The following GPR173 variants were observed in gnomAD, a reference collection of about 807,000 sequenced individuals.
GPR173 encodes G protein-coupled receptor 173, also known as probable G protein-coupled receptor 173.
GPR173 carries 2 observed loss-of-function variants against 13.9 expected under a neutral mutation model. That is an observed-to-expected ratio of 0.14 (90% CI 0.06 to 0.45). The LOEUF (loss-of-function observed/expected upper bound fraction) is 0.45. Ranked by LOEUF, GPR173 falls within the 20% of genes least tolerant of loss-of-function variation. GPR173 has a pLI of 0.98. For synonymous variants in GPR173, 131 were observed against 141.0 expected (o/e 0.93, Z 0.50); for missense variants, 202 against 340.5 (o/e 0.59, Z 3.20).
chrX:53,073,858 T>G (rs868912163), intron 1 of GPR173, among the ~76,000 whole-genome samples: 1 of 35,100 alleles, frequency 2.8e-5, no homozygotes, highest in Non-Finnish European at 5.3e-5. Flanking sequence ...ATATATAAAT[T>G]TATATATTTT....
At position 53,076,491 on chromosome X, in the gene GPR173, T is replaced by C. The variant is rs782021860; in HGVS notation, c.-97-34T>C. On this transcript the variant is annotated intron_variant, in intron 1 of 1. Transcript: ENST00000332582. ...TTGCCCTCATCTCTCTGTCTCTCTG[T>C]GTCTGTGTCTCCCCCGCTCATTCCC... 19 of 456,690 alleles carry C rather than the reference T, an allele frequency of 4.2e-5. No homozygotes were observed. In the South Asian group the frequency reaches 6.6e-4, roughly 16 times the overall value. The allele number at this position is 456,690 out of a possible 1,213,427, so 37.6% of individuals were successfully genotyped here. A position where few individuals can be genotyped will look rare whatever the true frequency, so the allele number is the denominator to read the frequency against.
chrX:53,073,777 T>A (rs1330916598), intron 1 of GPR173, among the ~76,000 whole-genome samples: 1 of 81,906 alleles, frequency 1.2e-5, no homozygotes, highest in Non-Finnish European at 2.2e-5. Context: ...ATATATAAAA[T>A]TATATATATA....
chrX:53,059,787 G>A (rs1162529723), intron 1 of GPR173, among the ~76,000 whole-genome samples: 4 of 79,864 alleles, frequency 5.0e-5, no homozygotes, highest in Non-Finnish European at 9.0e-5. Context: ...GTGAGACCAT[G>A]TCTCAAAAAA....
At chrX:53,050,901 A>C (rs1931948421) in intron 1 of GPR173, among the ~76,000 whole-genome samples, 1 of 111,388 alleles carries the variant, frequency 9.0e-6, no homozygotes, top group Non-Finnish European at 1.9e-5. Context: ...CTTTCCCTGC[A>C]CTTGTCCCTG....
chrX:53,063,001 G>A (rs931004429), intron 1 of GPR173, among the ~76,000 whole-genome samples: 11 of 110,504 alleles, frequency 1.0e-4, no homozygotes, highest in Non-Finnish European at 1.7e-4. Flanking sequence ...TCCAGCCTTC[G>A]CAGGCTGGAG....
chrX:53,076,291 C>G (rs1180235082), intron 1 of GPR173, among the ~76,000 whole-genome samples: 1 of 110,160 alleles, frequency 9.1e-6, no homozygotes, highest in Non-Finnish European at 1.9e-5. Context: ...CTTTCTCTCT[C>G]CTCGCTCTTT....
intron 1 of GPR173, among the ~76,000 whole-genome samples, chrX:53,068,876 T>C (rs782101613): frequency 9.5e-6 from 1 of 105,514 alleles, no homozygotes; most frequent in East Asian, 2.9e-4. Context: ...TTGTTCGAGC[T>C]CAGGAGTTTG....
At chrX:53,073,221 T>TAAAAA (rs75150142) in intron 1 of GPR173, among the ~76,000 whole-genome samples, 2 of 70,466 alleles carry the variant, frequency 2.8e-5, no homozygotes, top group Non-Finnish European at 5.6e-5. Flanking sequence ...GGAGACTGTC[T>TAAAAA]AAAAAAAAAA....
At chrX:53,074,377 AATATATAAATAT>A (rs1932375522) in intron 1 of GPR173, among the ~76,000 whole-genome samples, 2 of 331 alleles carry the variant, frequency 6.0e-3, no homozygotes, top group Non-Finnish European at 9.4e-3. Flanking sequence ...TTTATAAATA[AATATATAAATAT>A]ATATAAATAT....
At chrX:53,059,185 C>A (rs1932084862) in intron 1 of GPR173, among the ~76,000 whole-genome samples, 1 of 107,473 alleles carries the variant, frequency 9.3e-6, no homozygotes, top group Admixed American at 1.0e-4. Context: ...GGAGGCAGAG[C>A]TTGCAGTGAG....
At position 53,077,685 on chromosome X, in the gene GPR173, C is replaced by T; in HGVS notation, c.1064C>T (p.Ala355Val). 1 of 1,208,177 alleles carries T rather than the reference C, an allele frequency of 8.3e-7. No individual in the cohort carries two copies. ...KDLKKCLRTHAPCWGTGGAPA... is the reference protein window; with the variant it reads ...KDLKKCLRTHVPCWGTGGAPA... The stretch of plus-strand genomic sequence containing the variant: ...CTCAAGAAGTGCCTGAGGACTCACG[C>T]CCCCTGCTGGGGCACAGGAGGTGCC... Residue 355 changes from alanine (A) to valine (V), a missense_variant, in exon 2 of 2, where the codon GCC becomes GTC. By Grantham distance (64) the Ala-to-Val change is moderately conservative (BLOSUM62 0). Around this residue, in one of 3 missense-constraint regions of GPR173, gnomAD observed 76 missense variants for 116.3 expected, o/e 0.65. Coordinates refer to ENST00000332582, the MANE Select transcript of GPR173 (RefSeq NM_018969.6).
In GPR173 at chrX:53,079,654, T is replaced by C. The variant is rs1184955924; in HGVS notation, c.*1911T>C. The C allele has an allele frequency of 3.3e-5, 4 of 121,167 alleles. No individual in the cohort carries two copies. The highest frequency in any genetic ancestry group is 1.3e-4 in the African/African-American group (4 of 30,110). 10.0% of individuals were successfully genotyped at this position (121,167 alleles called of 1,213,427 possible). A position where few individuals can be genotyped will look rare whatever the true frequency, so the allele number is the denominator to read the frequency against. Reference sequence around the variant, plus strand: ...TCTGACCACATGTGGAGAGACATGATTGAGTGATAGTGTGTGTCTGTGTGA... The same window carrying C: ...TCTGACCACATGTGGAGAGACATGACTGAGTGATAGTGTGTGTCTGTGTGA... On this transcript the variant is annotated 3_prime_UTR_variant, in exon 2 of 2. Coordinates refer to ENST00000332582, the MANE Select transcript of GPR173 (RefSeq NM_018969.6).
chrX:53,067,810 C>A (rs1469295614), intron 1 of GPR173, among the ~76,000 whole-genome samples: 1 of 68,839 alleles, frequency 1.5e-5, no homozygotes, highest in African/African-American at 6.6e-5. Context: ...GGCGACAGAG[C>A]GAGACTCCAT....
chrX:53,074,736 T>A (rs1384039398), intron 1 of GPR173, among the ~76,000 whole-genome samples: 8 of 93,558 alleles, frequency 8.6e-5, no homozygotes, highest in South Asian at 9.0e-4. Context: ...TGTATTTATA[T>A]ATAAATATAA....
At chrX:53,067,913 C>T (rs1932207910) in intron 1 of GPR173, among the ~76,000 whole-genome samples, 1 of 110,203 alleles carries the variant, frequency 9.1e-6, no homozygotes, top group East Asian at 2.8e-4. Flanking sequence ...CATTTATTGA[C>T]AAATATTTTT....
intron 1 of GPR173, among the ~76,000 whole-genome samples, chrX:53,074,005 A>ATATATATATATATAAATATAAAT (rs1932333267): frequency 5.3e-5 from 1 of 18,713 alleles, no homozygotes; most frequent in Admixed American, 8.7e-4. Context: ...ATAAATATAT[A>ATATATATATATATAAATATAAAT]TTATACATAA....
At position 53,076,565 on chromosome X, in the gene GPR173, C is replaced by T; in HGVS notation, c.-57C>T. 2 of 1,015,348 alleles carry T rather than the reference C, an allele frequency of 2.0e-6. No individual in the cohort carries two copies. Among genetic ancestry groups the T allele is most frequent in the Non-Finnish European group, 2.7e-6 (2 of 747,364 alleles). The allele number at this position is 1,015,348 out of a possible 1,213,427, so 83.7% of individuals were successfully genotyped here. On this transcript the variant is annotated 5_prime_UTR_variant, in exon 2 of 2. Transcript: ENST00000332582. ...ACAACTCATGGAGCCCCCCCGGGCC[C>T]ATCGAGTACCGGACTGGCTGACCCC...
chrX:53,079,909 G>A lies in GPR173; in HGVS notation c.*2166G>A, dbSNP rs1432292566. 3 of 122,718 alleles carry A rather than the reference G, an allele frequency of 2.4e-5. No homozygotes were observed. The highest frequency in any genetic ancestry group is 5.7e-5 in the Non-Finnish European group (3 of 53,061). The allele number at this position is 122,718 out of a possible 1,213,427, so 10.1% of individuals were successfully genotyped here. A position where few individuals can be genotyped will look rare whatever the true frequency, so the allele number is the denominator to read the frequency against. ...AAGAGGGTAGACTCCCATCTCACAA[G>A]ATGGGCCTCCCTTGGCCCAGGCCCT... On this transcript the variant is annotated 3_prime_UTR_variant, in exon 2 of 2. Coordinates refer to ENST00000332582, the MANE Select transcript of GPR173 (RefSeq NM_018969.6).
At chrX:53,057,622 C>T (rs1171756600) in intron 1 of GPR173, among the ~76,000 whole-genome samples, 2 of 104,668 alleles carry the variant, frequency 1.9e-5, no homozygotes, top group African/African-American at 3.5e-5. Context: ...GGCGTGGTGG[C>T]GCATGCCTGT....
Sources: gnomAD v4.1 joint callset for allele counts (sites outside exome capture counted in the v4.1 genomes callset) on GRCh38, gnomAD v4.1.1 for gene constraint, gnomAD v4.1.1 regional missense constraint, MANE v1.5 for transcripts, NCBI Gene and HGNC (gene_info 2026-07-23, HGNC 2026-07-21) for gene names.